The following UPK1B variants were observed in gnomAD, a reference collection of about 807,000 sequenced individuals.
UPK1B encodes uroplakin-1b.
Under a neutral mutation model 34.2 loss-of-function variants are expected in UPK1B, and 28 were observed. That is an observed-to-expected ratio of 0.82 (90% CI 0.61 to 1.12). The LOEUF is 1.12. UPK1B is among the 50% of genes most tolerant of loss of function. UPK1B has a pLI of 0.00. For synonymous variants in UPK1B, 81 were observed against 110.4 expected (o/e 0.73, Z 1.67); for missense variants, 325 against 320.9 (o/e 1.01, Z -0.10).
rs1287678863 is a variant in UPK1B at position 119,204,005 on chromosome 3, A to C, written c.*38A>C. 6.2e-7 allele frequency: 1 copy of C among 1,609,560 alleles called. No individual in the cohort carries two copies. Among genetic ancestry groups the C allele is most frequent in the East Asian group, 2.2e-5 (1 of 44,858 alleles). On this transcript the variant is annotated 3_prime_UTR_variant, in exon 8 of 8. Coordinates refer to ENST00000264234, the MANE Select transcript of UPK1B (RefSeq NM_006952.4). ...GCCACCATACCTCCTTCCCCGAGTG[A>C]CTCTGGATTTGGTGCTGGAACCAGC... is the stretch of plus-strand genomic sequence containing the variant.
At chr3:119,198,380 T>G in intron 6 of UPK1B, among the ~76,000 whole-genome samples, 1 of 152,178 alleles carries the variant, frequency 6.6e-6, no homozygotes. Context: ...CTTACATGCG[T>G]GTATCACTCC....
intron 1 of UPK1B, among the ~76,000 whole-genome samples, chr3:119,178,853 T>A (rs1429975240): frequency 3.3e-5 from 5 of 152,184 alleles, no homozygotes; most frequent in Non-Finnish European, 4.4e-5. Context: ...AAGCACTGTA[T>A]GGAATGGAAA....
intron 7 of UPK1B, among the ~76,000 whole-genome samples, chr3:119,199,972 C>T (rs1281293985): frequency 6.6e-6 from 1 of 152,148 alleles, no homozygotes; most frequent in Admixed American, 6.5e-5. Flanking sequence ...TATCACAACA[C>T]ATTTTTGTGG....
chr3:119,202,309 G>A (rs2078094985), intron 7 of UPK1B, among the ~76,000 whole-genome samples: 2 of 152,128 alleles, frequency 1.3e-5, no homozygotes, highest in African/African-American at 4.8e-5. Flanking sequence ...AACTAGATAA[G>A]CTCTGAAGCT....
chr3:119,200,193 C>T (rs979635581), intron 7 of UPK1B, among the ~76,000 whole-genome samples: 2 of 152,216 alleles, frequency 1.3e-5, no homozygotes, highest in South Asian at 2.1e-4. Flanking sequence ...GCTGGGACCA[C>T]AGGTGCACAC....
chr3:119,192,406 A>C (rs558452989), intron 5 of UPK1B, among the ~76,000 whole-genome samples: 2 of 152,314 alleles, frequency 1.3e-5, no homozygotes, highest in East Asian at 3.9e-4. Flanking sequence ...TCTAAGAGCT[A>C]AACATTGCTG....
intron 7 of UPK1B, among the ~76,000 whole-genome samples, chr3:119,199,659 G>A (rs1468088299): frequency 1.3e-5 from 2 of 152,212 alleles, no homozygotes; most frequent in African/African-American, 4.8e-5. Flanking sequence ...AAAACGCCAT[G>A]GGGAAACTTT....
chr3:119,198,643 A>G (rs899300918), intron 6 of UPK1B, among the ~76,000 whole-genome samples: 1 of 152,244 alleles, frequency 6.6e-6, no homozygotes, highest in Non-Finnish European at 1.5e-5. Context: ...GTTTTCATGG[A>G]CAGAAGCATT....
chr3:119,201,569 CAT>C (rs1159388169), intron 7 of UPK1B, among the ~76,000 whole-genome samples: 2 of 152,150 alleles, frequency 1.3e-5, no homozygotes, highest in East Asian at 1.9e-4. Flanking sequence ...CCTCCCATGA[CAT>C]GTGGGGATTA....
In UPK1B at chr3:119,187,664, T is replaced by C. The variant is rs114762511; in HGVS notation, c.70-111T>C. Reference sequence around the variant, plus strand: ...CCTGGCAATGGGGAGTTTAGATTAGTTGCATAAAGCCTGTGCAGGAAAGGG... The same window carrying C: ...CCTGGCAATGGGGAGTTTAGATTAGCTGCATAAAGCCTGTGCAGGAAAGGG... On this transcript the variant is annotated intron_variant, in intron 2 of 7. Transcript: ENST00000264234. The C allele has an allele frequency of 3.4e-3, 3,827 of 1,139,484 alleles. 98 individuals carry two copies. In the African/African-American group the frequency reaches 0.051, roughly 15 times the overall value. 70.6% of individuals were successfully genotyped at this position (1,139,484 alleles called of 1,614,324 possible).
chr3:119,181,958 C>T (rs184874886), intron 1 of UPK1B, among the ~76,000 whole-genome samples: 2 of 152,334 alleles, frequency 1.3e-5, no homozygotes, highest in East Asian at 3.9e-4. Flanking sequence ...CAAGGACAAC[C>T]TCAGGGGCCA....
chr3:119,191,234 T>C, intron 5 of UPK1B, 130 bp downstream of exon 5: 2 of 1,171,820 alleles, frequency 1.7e-6, no homozygotes, highest in Non-Finnish European at 2.4e-6. Flanking sequence ...TTGGAATGAT[T>C]TTGTCAAGAA....
intron 5 of UPK1B, among the ~76,000 whole-genome samples, chr3:119,193,895 A>C (rs1170995291): frequency 1.3e-5 from 2 of 152,206 alleles, no homozygotes; most frequent in African/African-American, 4.8e-5. Context: ...AACTCATTTA[A>C]TCCTTAAAAA....
intron 1 of UPK1B, 61 bp downstream of exon 1, chr3:119,173,699 C>T (rs2077939449): frequency 6.6e-6 from 1 of 152,196 alleles, no homozygotes; most frequent in Admixed American, 6.5e-5. Flanking sequence ...GGTTGCTCTC[C>T]TGGGAGGGAA....
intron 6 of UPK1B, among the ~76,000 whole-genome samples, chr3:119,198,278 G>A (rs1051815191): frequency 6.6e-6 from 1 of 152,158 alleles, no homozygotes; most frequent in Non-Finnish European, 1.5e-5. Flanking sequence ...GAGCCGCATG[G>A]TCCATGGAAC....
chr3:119,178,652 C>T (rs988411992), intron 1 of UPK1B, among the ~76,000 whole-genome samples: 3 of 152,188 alleles, frequency 2.0e-5, no homozygotes, highest in Non-Finnish European at 4.4e-5. Flanking sequence ...GTGGTAGTAG[C>T]ATCCACAATT....
intron 7 of UPK1B, among the ~76,000 whole-genome samples, chr3:119,203,339 T>TGAA (rs2078101146): frequency 8.5e-5 from 1 of 11,790 alleles, no homozygotes; most frequent in Non-Finnish European, 1.5e-4. Flanking sequence ...AAACTCCGTC[T>TGAA]CAAAAAAAAA....
intron 1 of UPK1B, among the ~76,000 whole-genome samples, chr3:119,179,352 G>GATATATATATATATATAT (rs60685268): frequency 8.5e-5 from 4 of 46,894 alleles, no homozygotes; most frequent in Non-Finnish European, 2.0e-4. Flanking sequence ...GAGAGAGGGA[G>GATATATATATATATATAT]ATATATATAT....
intron 7 of UPK1B, among the ~76,000 whole-genome samples, chr3:119,201,771 C>G (rs193167424): frequency 1.3e-5 from 2 of 152,278 alleles, no homozygotes; most frequent in African/African-American, 4.8e-5. Flanking sequence ...ATCCTGAGCA[C>G]ACCTCTATGA....
Sources: gnomAD v4.1 joint callset for allele counts (sites outside exome capture counted in the v4.1 genomes callset) on GRCh38, gnomAD v4.1.1 for gene constraint, MANE v1.5 for transcripts, NCBI Gene and HGNC (gene_info 2026-07-23, HGNC 2026-07-21) for gene names.